Variants in SCAPER observed in about 807,000 individuals in gnomAD.
The protein encoded by SCAPER is S phase cyclin A-associated protein in the endoplasmic reticulum.
Under a neutral mutation model 182.2 loss-of-function variants are expected in SCAPER, and 98 were observed. The observed-to-expected ratio is 0.54, with a 90% CI of 0.46 to 0.64. SCAPER has a LOEUF of 0.64. Ranked by LOEUF, SCAPER falls within the 30% of genes least tolerant of loss-of-function variation. SCAPER has a pLI of 0.00. For synonymous variants in SCAPER, 605 were observed against 564.6 expected, an observed-to-expected ratio of 1.07 and a Z score of -1.01; for missense variants, 1,432 against 1,690.0, an observed-to-expected ratio of 0.85 and a Z score of 2.68.
Position 76,703,666 on chromosome 15 carries a change from T to A in SCAPER, c.2248-664A>T, listed in dbSNP as rs113244666. Among the ~76,000 whole-genome samples the A allele has an allele frequency of 7.9e-3, 1,200 of 152,272 alleles. 10 individuals carry two copies. Among genetic ancestry groups the A allele is most frequent in the African/African-American group, 0.027 (1,140 of 41,542 alleles). ...TCAGGAAGTGTTCTTTAAAATCACT[T>A]CCTGACCTCTGACACTCCTCATATT... On this transcript the variant is annotated intron_variant, in intron 18 of 31. Coordinates refer to ENST00000563290, the MANE Select transcript of SCAPER (RefSeq NM_020843.4).
intron 20 of SCAPER, among the ~76,000 whole-genome samples, chr15:76,690,398 G>A (rs2058288598): frequency 6.6e-6 from 1 of 152,088 alleles, no homozygotes; most frequent in African/African-American, 2.4e-5. Flanking sequence ...AAACCAGAGA[G>A]TACCAAGGGG....
intron 21 of SCAPER, among the ~76,000 whole-genome samples, chr15:76,651,387 T>G (rs1260645237): frequency 6.6e-6 from 1 of 152,150 alleles, no homozygotes; most frequent in Non-Finnish European, 1.5e-5. Flanking sequence ...CCTAACTCAA[T>G]GCAAGCACAA....
chr15:76,438,963 T>C (rs889768076), intron 25 of SCAPER, among the ~76,000 whole-genome samples: 9 of 152,232 alleles, frequency 5.9e-5, no homozygotes, highest in African/African-American at 1.9e-4. Flanking sequence ...TAGATTTTTC[T>C]TTTGCTGGGT....
intron 4 of SCAPER, among the ~76,000 whole-genome samples, chr15:76,848,153 A>G (rs1407393502): frequency 6.6e-6 from 1 of 151,244 alleles, no homozygotes; most frequent in Non-Finnish European, 1.5e-5. Flanking sequence ...GATTACAGCC[A>G]TCATGCCTGG....
At chr15:76,353,100 C>T (rs1391983395) in intron 30 of SCAPER, among the ~76,000 whole-genome samples, 1 of 152,076 alleles carries the variant, frequency 6.6e-6, no homozygotes, top group Non-Finnish European at 1.5e-5. Context: ...AGTTCCCAGC[C>T]AGCTGGGTAC....
chr15:76,757,385 C>CTCCA lies in SCAPER; in HGVS notation c.1726-3441_1726-3438dup, dbSNP rs1399379021. ...TTTCACTTAGCTTAATATCCTCTAG[C>CTCCA]TCCATCCACGTTGTCACAAATGTCA... On this transcript the variant is annotated intron_variant, in intron 14 of 31. Coordinates refer to ENST00000563290, the MANE Select transcript of SCAPER (RefSeq NM_020843.4). Among the ~76,000 whole-genome samples the CTCCA allele has an allele frequency of 2.0e-5, 3 of 152,190 alleles. No homozygotes were observed. In the East Asian group the frequency reaches 5.8e-4, roughly 29 times the overall value.
chr15:76,850,048 C>T (rs904477016), intron 4 of SCAPER, among the ~76,000 whole-genome samples: 1 of 152,184 alleles, frequency 6.6e-6, no homozygotes, highest in African/African-American at 2.4e-5. Flanking sequence ...CCTGGTCCCA[C>T]CCTTGACACG....
rs1036751994 is a variant in SCAPER at position 76,496,023 on chromosome 15, C to T, written c.2954+8836G>A. 5.1e-5 allele frequency among the ~76,000 whole-genome samples: 7 copies of T among 136,024 alleles called. 1 individual carries two copies. Among genetic ancestry groups the T allele is most frequent in the Non-Finnish European group, 1.1e-4 (7 of 61,446 alleles). The allele number at this position is 136,024 out of a possible 152,430, so 89.2% of individuals were successfully genotyped here. ...ACACACACACACACACACACACACA[C>T]ACACACACACACACACAGAATGAGA... On this transcript the variant is annotated intron_variant, in intron 24 of 31. Coordinates refer to ENST00000563290, the MANE Select transcript of SCAPER (RefSeq NM_020843.4).
intron 8 of SCAPER, among the ~76,000 whole-genome samples, chr15:76,779,722 A>AT (rs2063978439): frequency 2.0e-5 from 3 of 151,812 alleles, no homozygotes; most frequent in African/African-American, 4.8e-5. Context: ...AAAAAAAAAA[A>AT]ATTACACAGT....
chr15:76,838,894 C>T (rs968680307), intron 5 of SCAPER, among the ~76,000 whole-genome samples: 1 of 152,122 alleles, frequency 6.6e-6, no homozygotes, highest in Non-Finnish European at 1.5e-5. Flanking sequence ...ACCCTTACCT[C>T]AAAATTTTGT....
At chr15:76,535,699 T>C (rs941277594) in intron 23 of SCAPER, among the ~76,000 whole-genome samples, 2 of 152,078 alleles carry the variant, frequency 1.3e-5, no homozygotes, top group African/African-American at 2.4e-5. Context: ...TGCACCAAGA[T>C]TTCACTAATG....
chr15:76,551,259 C>T (rs1373136933), intron 23 of SCAPER, among the ~76,000 whole-genome samples: 1 of 152,032 alleles, frequency 6.6e-6, no homozygotes, highest in Non-Finnish European at 1.5e-5. Context: ...ATTTGCACTC[C>T]TATGTTTATT....
At chr15:76,577,354 GCAGGAT>G (rs2047911619) in intron 22 of SCAPER, among the ~76,000 whole-genome samples, 1 of 152,148 alleles carries the variant, frequency 6.6e-6, no homozygotes, top group South Asian at 2.1e-4. Context: ...GGCTGAGGAG[GCAGGAT>G]CAATTGAGTC....
chr15:76,825,567 CTTCA>C (rs1161506630), intron 5 of SCAPER, among the ~76,000 whole-genome samples: 4 of 152,082 alleles, frequency 2.6e-5, no homozygotes, highest in Non-Finnish European at 4.4e-5. Flanking sequence ...AAATATTTAC[CTTCA>C]TTGAGACAAA....
At chr15:76,691,191 C>T (rs1799212526) in intron 20 of SCAPER, among the ~76,000 whole-genome samples, 1 of 151,742 alleles carries the variant, frequency 6.6e-6, no homozygotes, top group African/African-American at 2.4e-5. Flanking sequence ...GACACAAAAT[C>T]AATACACAGA....
rs540535847 is a variant in SCAPER at position 76,414,509 on chromosome 15, AGG to A, written c.3312-9832_3312-9831del. Among the ~76,000 whole-genome samples the A allele has an allele frequency of 4.4e-3, 675 of 152,246 alleles. 7 individuals carry two copies. Among genetic ancestry groups the A allele is most frequent in the African/African-American group, 0.015 (643 of 41,542 alleles). ...TACAGGGGAAAAATGACATAAATGA[AGG>A]CTGATTTTTTATAAGAAACGATGGA... On this transcript the variant is annotated intron_variant, in intron 26 of 31. Transcript: ENST00000563290.
chr15:76,601,528 TA>T (rs985465898), intron 22 of SCAPER, among the ~76,000 whole-genome samples: 2 of 121,958 alleles, frequency 1.6e-5, no homozygotes, highest in African/African-American at 5.0e-5. Flanking sequence ...TCATATAGCT[TA>T]AATGTATAGT....
chr15:76,800,342 C>T lies in SCAPER; in HGVS notation c.517G>A (p.Val173Ile). The T allele has an allele frequency of 2.5e-6, 4 of 1,611,460 alleles. No individual in the cohort carries two copies. The highest frequency in any genetic ancestry group is 2.5e-6 in the Non-Finnish European group (3 of 1,178,054). Residue 173 changes from valine to isoleucine, a missense_variant, in exon 7 of 32, where the codon GTA becomes ATA. Val to Ile is a conservative substitution (Grantham distance 29). Around this residue, in one of 5 missense-constraint regions of SCAPER, gnomAD observed 480 missense variants for 510.2 expected, o/e 0.94. Transcript: ENST00000563290. ...TGGCGTCCCGGAGACATCTTCTTTA[C>T]TTCCCATGCCAATGATGTTGGTCTG... is the stretch of plus-strand genomic sequence containing the variant. ...QSRPTSLAWE[V>I]KKMSPGRHVI... is the part of the protein sequence containing the mutation.
intron 5 of SCAPER, among the ~76,000 whole-genome samples, chr15:76,806,490 T>C (rs1377042998): frequency 1.3e-5 from 2 of 152,232 alleles, no homozygotes; most frequent in Non-Finnish European, 2.9e-5. Context: ...TCAAACGTTG[T>C]TCTTTTTCAG....
Sources: gnomAD v4.1 joint callset for allele counts (sites outside exome capture counted in the v4.1 genomes callset) on GRCh38, gnomAD v4.1.1 for gene constraint, gnomAD v4.1.1 regional missense constraint, MANE v1.5 for transcripts, NCBI Gene and HGNC (gene_info 2026-07-23, HGNC 2026-07-21) for gene names.